Variants in ATRX observed in about 807,000 individuals in gnomAD.
The protein encoded by ATRX is chromatin remodeler ATRX.
Under a neutral mutation model 172.6 loss-of-function variants are expected in ATRX, and 12 were observed. That is an observed-to-expected ratio of 0.07 (90% CI 0.04 to 0.11). ATRX has a LOEUF of 0.11. ATRX is among the 10% of genes least tolerant of loss of function. The probability of loss-of-function intolerance (pLI) is 1.00; values close to 1 mark genes in which losing one functional copy is unlikely to be tolerated. For synonymous variants in ATRX, 674 were observed against 594.7 expected, an observed-to-expected ratio of 1.13 and a Z score of -1.94; for missense variants, 1,368 against 1,767.4, an observed-to-expected ratio of 0.77 and a Z score of 4.05.
chrX:77,778,712 C>A (rs1305707252), intron 1 of ATRX, among the ~76,000 whole-genome samples: 1 of 101,656 alleles, frequency 9.8e-6, no homozygotes, highest in Non-Finnish European at 2.0e-5. Context: ...CAGAGCGAGA[C>A]TACGTCTCAA....
intron 30 of ATRX, among the ~76,000 whole-genome samples, chrX:77,524,026 C>T (rs1486162304): frequency 9.0e-6 from 1 of 110,788 alleles, no homozygotes; most frequent in Non-Finnish European, 1.9e-5. Flanking sequence ...TTAAAGAAAT[C>T]ATGGTATCTT....
intron 26 of ATRX, among the ~76,000 whole-genome samples, chrX:77,592,152 C>A (rs1410653561): frequency 1.8e-5 from 2 of 111,032 alleles, no homozygotes; most frequent in African/African-American, 6.5e-5. Context: ...TGGCTCACAC[C>A]TGTAATCCCA....
chrX:77,736,051 A>G (rs1042640641), intron 1 of ATRX, among the ~76,000 whole-genome samples: 15 of 110,149 alleles, frequency 1.4e-4, no homozygotes, highest in Non-Finnish European at 1.1e-4. Flanking sequence ...CTCTTGCTCT[A>G]TACATAAATA....
At position 77,628,981 on chromosome X, in the gene ATRX, T is replaced by C. The variant is rs782166379; in HGVS notation, c.5134+4226A>G. Among the ~76,000 whole-genome samples the C allele has an allele frequency of 1.2e-4, 14 of 112,086 alleles. No individual in the cohort carries two copies. The South Asian group carries it at 5.2e-3, about 42-fold the overall frequency. ...GGAAGAGATAACCAGAGCAGCTAAGTTGAAAGATGAACACTACTATCTTAA... is the reference window on the plus strand; with the variant it reads ...GGAAGAGATAACCAGAGCAGCTAAGCTGAAAGATGAACACTACTATCTTAA... On this transcript the variant is annotated intron_variant, in intron 19 of 34. Coordinates refer to ENST00000373344, the MANE Select transcript of ATRX (RefSeq NM_000489.6).
chrX:77,721,687 G>A (rs782720436), intron 1 of ATRX, among the ~76,000 whole-genome samples: 2 of 111,634 alleles, frequency 1.8e-5, no homozygotes, highest in South Asian at 7.5e-4. Context: ...CAAATAAATG[G>A]AAAAACATTC....
At chrX:77,668,363 A>G (rs1313721571) in intron 10 of ATRX, among the ~76,000 whole-genome samples, 1 of 111,541 alleles carries the variant, frequency 9.0e-6, no homozygotes. Flanking sequence ...ATCATGCTGG[A>G]TGTATAGTCA....
At chrX:77,521,895 A>G in intron 32 of ATRX, 1 of 220,188 alleles carries the variant, frequency 4.5e-6, no homozygotes, top group Non-Finnish European at 8.2e-6. Flanking sequence ...TGCATCTATA[A>G]TGCACTAGAA....
chrX:77,659,872 T>C (rs904141001), intron 12 of ATRX, among the ~76,000 whole-genome samples: 1 of 111,510 alleles, frequency 9.0e-6, no homozygotes, highest in Non-Finnish European at 1.9e-5. Context: ...ATAGGAACAT[T>C]AGAATTTACA....
At chrX:77,570,128 T>C (rs1433856814) in intron 28 of ATRX, among the ~76,000 whole-genome samples, 1 of 110,989 alleles carries the variant, frequency 9.0e-6, no homozygotes, top group African/African-American at 3.3e-5. Flanking sequence ...AGCCAACTGA[T>C]TTTTCACAAA....
At chrX:77,777,133 C>T (rs2076378168) in intron 1 of ATRX, among the ~76,000 whole-genome samples, 1 of 96,110 alleles carries the variant, frequency 1.0e-5, no homozygotes, top group South Asian at 5.5e-4. Context: ...GCAGGCGGAT[C>T]ACCTGAGGTC....
intron 28 of ATRX, among the ~76,000 whole-genome samples, chrX:77,561,094 A>C (rs1278844857): frequency 9.0e-6 from 1 of 111,263 alleles, no homozygotes; most frequent in Non-Finnish European, 1.9e-5. Context: ...GATTATGATG[A>C]CAAGTTTCAT....
At chrX:77,674,298 C>G (rs912708985) in intron 10 of ATRX, 1 of 111,407 alleles carries the variant, frequency 9.0e-6, no homozygotes, top group Non-Finnish European at 1.9e-5. Context: ...GTATCCCCAT[C>G]ATGACTACAT....
intron 27 of ATRX, chrX:77,575,524 C>T (rs1432977146): frequency 9.0e-6 from 1 of 111,149 alleles, no homozygotes; most frequent in African/African-American, 3.3e-5. Flanking sequence ...AATGATATGA[C>T]TATTTTAAAA....
chrX:77,664,067 C>A (rs1313346926), intron 11 of ATRX, among the ~76,000 whole-genome samples: 1 of 107,515 alleles, frequency 9.3e-6, no homozygotes, highest in Non-Finnish European at 1.9e-5. Flanking sequence ...CGCTATTGCA[C>A]CCCTGCCTGG....
At chrX:77,728,951 G>A (rs1349879254) in intron 1 of ATRX, among the ~76,000 whole-genome samples, 13 of 106,849 alleles carry the variant, frequency 1.2e-4, no homozygotes, top group African/African-American at 4.4e-4. Context: ...TAGTATAGAC[G>A]GGGTTTCACC....
chrX:77,651,875 G>T, intron 15 of ATRX: 1 of 382,393 alleles, frequency 2.6e-6, no homozygotes, highest in Non-Finnish European at 4.5e-6. Context: ...AGAAATCTGT[G>T]GTAGATTACA....
Position 77,682,503 on chromosome X carries a change from G to A in ATRX, c.2753C>T (p.Thr918Ile), listed in dbSNP as rs782394785. ...CCCAGAAAGCTTATCGACACCATCAGTGGAAGCACTTGCTTGCTGCTTCTT... is the reference window on the plus strand; with the variant it reads ...CCCAGAAAGCTTATCGACACCATCAATGGAAGCACTTGCTTGCTGCTTCTT... ...LPKKQQASAS[T>I]DGVDKLSGKE... is the part of the protein sequence containing the mutation. Residue 918 changes from threonine (T) to isoleucine (I), a missense_variant, in exon 9 of 35, where the codon ACT (threonine) becomes ATT (isoleucine). This residue lies in a region of ATRX where 843 missense variants were observed against 643.1 expected (regional missense o/e 1.31). Coordinates refer to ENST00000373344, the MANE Select transcript of ATRX (RefSeq NM_000489.6). 2.7e-5 allele frequency: 33 copies of A among 1,209,751 alleles called. No homozygotes were observed. Among genetic ancestry groups the A allele is most frequent in the Non-Finnish European group, 3.7e-5 (33 of 895,110 alleles).
At chrX:77,750,552 T>A (rs1300577861) in intron 1 of ATRX, among the ~76,000 whole-genome samples, 9 of 110,437 alleles carry the variant, frequency 8.1e-5, no homozygotes, top group African/African-American at 3.0e-4. Context: ...CTGAAATACA[T>A]GTGCAGAACA....
chrX:77,618,675 TA>T lies in ATRX; in HGVS notation c.5448+130del, dbSNP rs2067460050. On this transcript the variant is annotated intron_variant, in intron 21 of 34. Transcript: ENST00000373344. Reference sequence around the variant, plus strand: ...TTTTTTAAGACAACGCAAGGAGATATAACTGTAAAACTATCTACTGAAAGAG... The same window carrying T: ...TTTTTTAAGACAACGCAAGGAGATATACTGTAAAACTATCTACTGAAAGAG... 7 of 640,428 alleles carry T rather than the reference TA, an allele frequency of 1.1e-5. No individual in the cohort carries two copies. The South Asian group carries it at 2.0e-4, about 18-fold the overall frequency. The allele number at this position is 640,428 out of a possible 1,213,427, so 52.8% of individuals were successfully genotyped here.
Sources: gnomAD v4.1 joint callset for allele counts (sites outside exome capture counted in the v4.1 genomes callset) on GRCh38, gnomAD v4.1.1 for gene constraint, gnomAD v4.1.1 regional missense constraint, MANE v1.5 for transcripts, NCBI Gene and HGNC (gene_info 2026-07-23, HGNC 2026-07-21) for gene names.